Variants in JAML observed in about 807,000 individuals in gnomAD.
The protein encoded by JAML is junction adhesion molecule like.
A neutral mutation model predicts 39.3 loss-of-function variants in JAML; 25 were observed. The observed-to-expected ratio is 0.64, with a 90% CI of 0.46 to 0.89. JAML has a LOEUF of 0.89. JAML is among the 40% of genes least tolerant of loss of function. The pLI, the probability that JAML is intolerant of heterozygous loss-of-function variation, is 0.00. For missense variants in JAML, 440 were observed against 486.9 expected, an observed-to-expected ratio of 0.90 and a Z score of 0.91; for synonymous variants, 162 against 179.2, an observed-to-expected ratio of 0.90 and a Z score of 0.77.
chr11:118,203,126 CT>C, intron 6 of JAML: 1 of 544,174 alleles, frequency 1.8e-6, no homozygotes, highest in Non-Finnish European at 3.5e-6. Flanking sequence ...GCTTCTGTAT[CT>C]TTACATCAGT....
chr11:118,194,487 G>T, intron 9 of JAML, 70 bp from the exon 10 acceptor site: 2 of 1,291,836 alleles, frequency 1.5e-6, no homozygotes, highest in Non-Finnish European at 2.2e-6. Flanking sequence ...AGCAGCTGCT[G>T]TTCATTGAGC....
At chr11:118,224,433 T>C (rs57495164) in intron 1 of JAML, among the ~76,000 whole-genome samples, 63,454 of 152,082 alleles carry the variant, frequency 0.42, 15,142 homozygotes, top group South Asian at 0.72. Flanking sequence ...AACAGTGGTA[T>C]AACTATGTAA....
In JAML at chr11:118,196,722, G is replaced by T; in HGVS notation, c.1092+13C>A. The T allele has an allele frequency of 6.2e-7, 1 of 1,603,834 alleles. No homozygotes were observed. The highest frequency in any genetic ancestry group is 1.1e-5 in the South Asian group (1 of 90,858). ...CTGACACCTGGCTCAGCTGAGGCCAGAATCATTCTCACCATGGTCATGTAG... is the reference window on the plus strand; with the variant it reads ...CTGACACCTGGCTCAGCTGAGGCCATAATCATTCTCACCATGGTCATGTAG... On this transcript the variant is annotated intron_variant, in intron 9 of 9. Transcript: ENST00000356289.
chr11:118,203,636 T>A lies in JAML; in HGVS notation c.564A>T (p.Lys188Asn). Reference protein sequence around the residue: ...KEEIVFRYYHKLRMSVEYSQS... With the variant: ...KEEIVFRYYHNLRMSVEYSQS... ...GGGAGTACTCCACAGACATCCTGAG[T>A]TTGTGGTAGTAACGAAATACAATCT... The change falls in exon 6 of 10, where the codon AAA (lysine) becomes AAT (asparagine). Residue 188 changes from lysine (K) to asparagine (N), a missense_variant. Physicochemically the swap from Lys to Asn is moderately conservative, Grantham distance 94. Transcript: ENST00000356289. The A allele has an allele frequency of 6.2e-7, 1 of 1,613,660 alleles. No homozygotes were observed. The highest frequency in any genetic ancestry group is 8.5e-7 in the Non-Finnish European group (1 of 1,179,734).
chr11:118,196,669 AC>A (rs1359758522), intron 9 of JAML, 65 bp downstream of exon 9: 17 of 1,433,762 alleles, frequency 1.2e-5, no homozygotes, highest in Non-Finnish European at 1.7e-5. Context: ...CAACCCAGCC[AC>A]GCCCACCACC....
chr11:118,210,350 G>A, intron 4 of JAML, 137 bp downstream of exon 4: 1 of 618,610 alleles, frequency 1.6e-6, no homozygotes, highest in Non-Finnish European at 2.7e-6. Context: ...AAATAATTAT[G>A]ATCATTTTTT....
intron 4 of JAML, among the ~76,000 whole-genome samples, chr11:118,206,870 A>G (rs1267517906): frequency 1.3e-5 from 2 of 152,236 alleles, no homozygotes; most frequent in Non-Finnish European, 2.9e-5. Flanking sequence ...CAAATCAACC[A>G]CAAAGTTGAT....
At chr11:118,217,917 G>C (rs1715432) in intron 1 of JAML, among the ~76,000 whole-genome samples, 13,781 of 152,222 alleles carry the variant, frequency 0.091, 2,093 homozygotes, top group African/African-American at 0.31. Flanking sequence ...CTTTTCTGAA[G>C]TTTATTTGTC....
intron 5 of JAML, chr11:118,203,869 A>C: frequency 1.8e-6 from 1 of 546,780 alleles, no homozygotes; most frequent in Non-Finnish European, 3.3e-6. Flanking sequence ...TCACAAAACC[A>C]TGAACAGTTT....
At chr11:118,211,142 C>T (rs924651846) in intron 3 of JAML, among the ~76,000 whole-genome samples, 2 of 152,238 alleles carry the variant, frequency 1.3e-5, no homozygotes, top group African/African-American at 4.8e-5. Flanking sequence ...GGCCGGCTGG[C>T]TGCCACTTTT....
At chr11:118,198,951 C>T (rs545894962) in intron 7 of JAML, among the ~76,000 whole-genome samples, 13 of 152,196 alleles carry the variant, frequency 8.5e-5, no homozygotes, top group Non-Finnish European at 1.8e-4. Context: ...CATAAGCTCA[C>T]ATAAAATGTA....
At chr11:118,195,905 C>T (rs1033501663) in intron 9 of JAML, among the ~76,000 whole-genome samples, 4 of 151,640 alleles carry the variant, frequency 2.6e-5, no homozygotes, top group African/African-American at 9.7e-5. Context: ...GATCTTAGCT[C>T]ACTGCAACCT....
At position 118,194,382 on chromosome 11, in the gene JAML, G is replaced by T. The variant is rs1011217141; in HGVS notation, c.1128C>A (p.Asn376Lys). ...CACCTGACTTTTTTTCAAGTGAGTT[G>T]TTCCGATCTGACCTCAGAGAAGGCC... ...PVWPSLRSDRNNSLEKKSGGG... is the reference protein window; with the variant it reads ...PVWPSLRSDRKNSLEKKSGGG... The change falls in exon 10 of 10, where the codon AAC becomes AAA. Residue 376 changes from asparagine (N) to lysine (K), a missense_variant. Transcript: ENST00000356289. The T allele has an allele frequency of 6.2e-7, 1 of 1,614,132 alleles. No homozygotes were observed. The highest frequency in any genetic ancestry group is 8.5e-7 in the Non-Finnish European group (1 of 1,180,002).
chr11:118,209,112 G>T, intron 4 of JAML: 1 of 318,002 alleles, frequency 3.1e-6, no homozygotes, highest in South Asian at 3.9e-5. Context: ...AGCTTCTACA[G>T]TTGCTTGCAA....
intron 4 of JAML, among the ~76,000 whole-genome samples, chr11:118,206,262 C>T (rs1369139881): frequency 6.6e-6 from 1 of 152,198 alleles, no homozygotes; most frequent in Non-Finnish European, 1.5e-5. Flanking sequence ...TGTACCAAGC[C>T]TGAGGGTTTC....
Position 118,196,024 on chromosome 11 carries a change from T to G in JAML, c.1092+711A>C, listed in dbSNP as rs936141801. ...TTTTTTTGTATTTTTAGTAAGACAG[T>G]GTTTCACCATGTTGGCCAGGCTGGT... On this transcript the variant is annotated intron_variant, in intron 9 of 9. Coordinates refer to ENST00000356289, the MANE Select transcript of JAML (RefSeq NM_001098526.2). 2.0e-5 allele frequency among the ~76,000 whole-genome samples: 3 copies of G among 151,688 alleles called. 1 individual carries two copies. The highest frequency in any genetic ancestry group is 1.3e-4 in the Admixed American group (2 of 15,218).
chr11:118,218,647 C>T (rs1673869764), intron 1 of JAML, among the ~76,000 whole-genome samples: 1 of 152,172 alleles, frequency 6.6e-6, no homozygotes, highest in Non-Finnish European at 1.5e-5. Flanking sequence ...TTACCAAGAA[C>T]ACTATTCAAG....
chr11:118,196,308 A>G (rs1948653886), intron 9 of JAML, among the ~76,000 whole-genome samples: 1 of 149,872 alleles, frequency 6.7e-6, no homozygotes, highest in Admixed American at 6.6e-5. Context: ...TTGTATTTTT[A>G]GTAGAGAGGG....
chr11:118,223,178 A>G (rs1949227478), intron 1 of JAML, among the ~76,000 whole-genome samples: 1 of 151,886 alleles, frequency 6.6e-6, no homozygotes, highest in Non-Finnish European at 1.5e-5. Flanking sequence ...GGTTAATCTC[A>G]TGAAAAGTTC....
Sources: allele counts gnomAD v4.1 joint callset (sites outside exome capture counted in the v4.1 genomes callset), GRCh38; gene constraint gnomAD v4.1.1; transcripts MANE v1.5; gene names NCBI Gene and HGNC (gene_info 2026-07-23, HGNC 2026-07-21).